The following INSYN2B variants were observed in gnomAD, a reference collection of about 807,000 sequenced individuals.
INSYN2B encodes the protein inhibitory synaptic factor family member 2B, also known as protein INSYN2B.
In INSYN2B, 16 loss-of-function variants were observed where a neutral mutation model predicts 41.2. That is an observed-to-expected ratio of 0.39 (90% CI 0.26 to 0.59). The LOEUF is 0.59. Ranked by LOEUF, INSYN2B falls within the 20% of genes least tolerant of loss-of-function variation. INSYN2B has a pLI of 0.57. For missense variants in INSYN2B, 608 were observed against 646.4 expected, an observed-to-expected ratio of 0.94 and a Z score of 0.64; for synonymous variants, 245 against 244.4, an observed-to-expected ratio of 1.00 and a Z score of -0.02.
At position 169,883,747 on chromosome 5, in the gene INSYN2B, A is replaced by C; in HGVS notation, c.152T>G (p.Leu51Arg). The change falls in exon 2 of 4, where the codon CTA (leucine) becomes CGA (arginine). Residue 51 changes from leucine (L) to arginine (R), a missense_variant. Leu to Arg is a moderately radical substitution (Grantham distance 102). Transcript: ENST00000377365. Reference protein sequence around the residue: ...EDGTTKNPTGLAEVDVQTPED... With the variant: ...EDGTTKNPTGRAEVDVQTPED... ...TGGAGTTTGGACGTCAACCTCAGCTAGGCCAGTTGGATTCTTAGTGGTCCC... is the reference window on the plus strand; with the variant it reads ...TGGAGTTTGGACGTCAACCTCAGCTCGGCCAGTTGGATTCTTAGTGGTCCC... 1.3e-6 allele frequency: 2 copies of C among 1,551,644 alleles called. No individual in the cohort carries two copies. Among genetic ancestry groups the C allele is most frequent in the Non-Finnish European group, 1.7e-6 (2 of 1,146,956 alleles).
chr5:169,947,663 T>G (rs758479152), intron 1 of INSYN2B, among the ~76,000 whole-genome samples: 2 of 152,176 alleles, frequency 1.3e-5, no homozygotes, highest in African/African-American at 2.4e-5. Context: ...CCCAAAAATG[T>G]AAAAATCTTA....
intron 1 of INSYN2B, among the ~76,000 whole-genome samples, chr5:169,949,802 C>G (rs1409033857): frequency 6.7e-6 from 1 of 150,184 alleles, no homozygotes; most frequent in Admixed American, 6.6e-5. Context: ...AGGTTGTCAC[C>G]CTGTCATTTA....
At chr5:169,871,710 G>T (rs568606408) in intron 3 of INSYN2B, among the ~76,000 whole-genome samples, 2 of 152,144 alleles carry the variant, frequency 1.3e-5, no homozygotes, top group Non-Finnish European at 2.9e-5. Flanking sequence ...GGTGGTGGGG[G>T]TGGAGGTGGT....
At chr5:169,968,788 G>C (rs1015844453) in intron 1 of INSYN2B, among the ~76,000 whole-genome samples, 3 of 152,200 alleles carry the variant, frequency 2.0e-5, no homozygotes, top group Admixed American at 1.3e-4. Flanking sequence ...GAAGAATTGA[G>C]TGTGGTTAGA....
chr5:169,916,191 T>G (rs775909280), intron 1 of INSYN2B, among the ~76,000 whole-genome samples: 1 of 152,186 alleles, frequency 6.6e-6, no homozygotes, highest in Non-Finnish European at 1.5e-5. Context: ...AATAGAGTCT[T>G]TTAAGAGTGT....
intron 1 of INSYN2B, among the ~76,000 whole-genome samples, chr5:169,902,362 AT>A (rs1188398520): frequency 1.3e-5 from 2 of 152,200 alleles, no homozygotes; most frequent in East Asian, 3.9e-4. Flanking sequence ...AGTGAGCCAC[AT>A]TTTAGAAAGC....
chr5:169,887,901 A>G (rs1037125719), intron 1 of INSYN2B, among the ~76,000 whole-genome samples: 1 of 152,186 alleles, frequency 6.6e-6, no homozygotes, highest in Admixed American at 6.5e-5. Flanking sequence ...GTGCCTGGTC[A>G]ATTTATGATG....
chr5:169,972,567 AGATAGATAGATAGATAGAT>A (rs1581489764), intron 1 of INSYN2B, among the ~76,000 whole-genome samples: 1 of 59,584 alleles, frequency 1.7e-5, no homozygotes, highest in African/African-American at 6.9e-5. Context: ...ATAGATAGAT[AGATAGATAGATAGATAGAT>A]GATAGATAGA....
chr5:169,976,633 A>G (rs1256320143), intron 1 of INSYN2B, among the ~76,000 whole-genome samples: 1 of 152,248 alleles, frequency 6.6e-6, no homozygotes, highest in Non-Finnish European at 1.5e-5. Context: ...ACAGAGCCAC[A>G]AGCACAGGCT....
chr5:169,916,143 C>T (rs1774863156), intron 1 of INSYN2B, among the ~76,000 whole-genome samples: 1 of 152,212 alleles, frequency 6.6e-6, no homozygotes, highest in African/African-American at 2.4e-5. Flanking sequence ...CCGGGATTTA[C>T]TCTACCGGGC....
rs540013890 is a variant in INSYN2B, at chr5:169,895,332, A to G, written c.-918-10516T>C. On this transcript the variant is annotated intron_variant, in intron 1 of 3. Transcript: ENST00000377365. ...TCTTGTTTCTTGCAAAGGGAAGAGC[A>G]TATGGTAGAGAGAACCACCCAGCCT... Among the ~76,000 whole-genome samples, 4 of 151,886 alleles carry G rather than the reference A, an allele frequency of 2.6e-5. No individual in the cohort carries two copies. The South Asian group carries it at 8.3e-4, about 32-fold the overall frequency.
At chr5:169,966,160 T>C (rs1386980420) in intron 1 of INSYN2B, among the ~76,000 whole-genome samples, 1 of 152,192 alleles carries the variant, frequency 6.6e-6, no homozygotes, top group Non-Finnish European at 1.5e-5. Flanking sequence ...CCCATTATGG[T>C]AGGAGCATAA....
At chr5:169,954,243 C>CTTTT (rs1776777215) in intron 1 of INSYN2B, among the ~76,000 whole-genome samples, 1 of 152,154 alleles carries the variant, frequency 6.6e-6, no homozygotes, top group Non-Finnish European at 1.5e-5. Flanking sequence ...TTAGCAATCG[C>CTTTT]TGGACATTTT....
intron 1 of INSYN2B, among the ~76,000 whole-genome samples, chr5:169,963,680 C>G (rs1777183008): frequency 6.6e-6 from 1 of 152,110 alleles, no homozygotes; most frequent in African/African-American, 2.4e-5. Context: ...TCTTGGGAGT[C>G]TCTTTTCACC....
intron 1 of INSYN2B, among the ~76,000 whole-genome samples, chr5:169,896,711 T>G (rs1773630335): frequency 6.6e-6 from 1 of 152,212 alleles, no homozygotes; most frequent in South Asian, 2.1e-4. Flanking sequence ...TATCACTCAC[T>G]AGTCGCCACT....
At chr5:169,893,069 C>G (rs2113546962) in intron 1 of INSYN2B, among the ~76,000 whole-genome samples, 1 of 152,296 alleles carries the variant, frequency 6.6e-6, no homozygotes, top group Admixed American at 6.5e-5. Flanking sequence ...CCTTCTCCTT[C>G]TCTCTTGCAT....
chr5:169,904,933 G>A (rs1051720729), intron 1 of INSYN2B, among the ~76,000 whole-genome samples: 9 of 152,082 alleles, frequency 5.9e-5, no homozygotes, highest in African/African-American at 2.2e-4. Flanking sequence ...CGAGAGACCC[G>A]GGTTTGAATC....
intron 1 of INSYN2B, among the ~76,000 whole-genome samples, chr5:169,896,163 C>G (rs1238564265): frequency 1.3e-5 from 2 of 151,396 alleles, no homozygotes; most frequent in Non-Finnish European, 2.9e-5. Context: ...AGCCAGAAAC[C>G]GTTGCTCCTG....
At chr5:169,945,183 C>T (rs1315436315) in intron 1 of INSYN2B, among the ~76,000 whole-genome samples, 1 of 152,242 alleles carries the variant, frequency 6.6e-6, no homozygotes, top group African/African-American at 2.4e-5. Context: ...AGCAGACAGG[C>T]TGGTTGTGCT....
Sources: gnomAD v4.1 joint callset for allele counts (sites outside exome capture counted in the v4.1 genomes callset) on GRCh38, gnomAD v4.1.1 for gene constraint, MANE v1.5 for transcripts, NCBI Gene and HGNC (gene_info 2026-07-23, HGNC 2026-07-21) for gene names.